ADAMTSL1: variants seen among roughly 807,000 people sequenced by gnomAD.
The protein encoded by ADAMTSL1 is ADAMTS-like protein 1.
ADAMTSL1 carries 126 observed loss-of-function variants against 201.8 expected under a neutral mutation model. That is an observed-to-expected ratio of 0.62 (90% confidence interval 0.54 to 0.72). ADAMTSL1 has a LOEUF of 0.72. Ranked by LOEUF, ADAMTSL1 falls within the 30% of genes least tolerant of loss-of-function variation. The pLI, the probability that ADAMTSL1 is intolerant of heterozygous loss-of-function variation, is 0.00. For synonymous variants in ADAMTSL1, 1,121 were observed against 903.4 expected, an observed-to-expected ratio of 1.24 and a Z score of -4.32; for missense variants, 2,679 against 2,277.8, an observed-to-expected ratio of 1.18 and a Z score of -3.59.
At chr9:18,237,662 T>C (rs778906252) in intron 2 of ADAMTSL1, among the ~76,000 whole-genome samples, 8 of 152,224 alleles carry the variant, frequency 5.3e-5, no homozygotes, top group Non-Finnish European at 8.8e-5. Context: ...AACATTACTA[T>C]TTAGAAAAAC....
At chr9:18,596,454 T>G (rs1824266973) in intron 4 of ADAMTSL1, among the ~76,000 whole-genome samples, 1 of 152,154 alleles carries the variant, frequency 6.6e-6, no homozygotes, top group South Asian at 2.1e-4. Flanking sequence ...ATATCTAATT[T>G]TAATGAAAGC....
chr9:18,381,889 A>G (rs1837575772), intron 2 of ADAMTSL1, among the ~76,000 whole-genome samples: 1 of 152,200 alleles, frequency 6.6e-6, no homozygotes, highest in East Asian at 1.9e-4. Flanking sequence ...AAAAACATCA[A>G]TGTTTGCACC....
intron 1 of ADAMTSL1, among the ~76,000 whole-genome samples, chr9:18,079,877 C>T (rs1823412353): frequency 1.3e-5 from 2 of 151,942 alleles, no homozygotes; most frequent in African/African-American, 4.8e-5. Context: ...ACTTCAGAAT[C>T]CCAGCTGGAC....
intron 1 of ADAMTSL1, among the ~76,000 whole-genome samples, chr9:18,117,980 A>G (rs921593259): frequency 6.6e-6 from 1 of 152,162 alleles, no homozygotes; most frequent in African/African-American, 2.4e-5. Flanking sequence ...TCCTTTTAAT[A>G]CACTAGTTTG....
chr9:18,367,659 A>G lies in ADAMTSL1; in HGVS notation c.208-137170A>G, dbSNP rs139458618. Among the ~76,000 whole-genome samples the G allele has an allele frequency of 9.5e-4, 145 of 152,222 alleles. 1 individual carries two copies. The highest frequency in any genetic ancestry group is 3.0e-3 in the African/African-American group (123 of 41,552). On this transcript the variant is annotated intron_variant, in intron 2 of 29. Coordinates refer to the ADAMTSL1 transcript ENST00000680146. ...ATATTCTAATTCAACCCTCAAAATA[A>G]CTTTATGAGCTACATACTATTATTA...
At chr9:18,877,734 A>G (rs534142026) in intron 23 of ADAMTSL1, among the ~76,000 whole-genome samples, 9 of 152,248 alleles carry the variant, frequency 5.9e-5, no homozygotes, top group African/African-American at 2.2e-4. Context: ...GGCACTTTCA[A>G]GGATCATCAG....
At chr9:18,815,268 GC>G (rs1823763361) in intron 20 of ADAMTSL1, among the ~76,000 whole-genome samples, 1 of 151,964 alleles carries the variant, frequency 6.6e-6, no homozygotes, top group South Asian at 2.1e-4. Context: ...AATATTTACT[GC>G]AGCACTATTC....
intron 23 of ADAMTSL1, among the ~76,000 whole-genome samples, chr9:18,886,166 G>GTATATATATATATA (rs751978972): frequency 2.7e-5 from 1 of 37,136 alleles, no homozygotes; most frequent in Non-Finnish European, 4.9e-5. Context: ...GTGTGTATGT[G>GTATATATATATATA]TATATATATA....
intron 1 of ADAMTSL1, among the ~76,000 whole-genome samples, chr9:18,498,333 AC>A (rs761178180): frequency 0.011 from 1,375 of 123,164 alleles, 32 homozygotes; most frequent in South Asian, 0.09. Flanking sequence ...TGTTCCCCCC[AC>A]CCCCTTTTTT....
chr9:18,082,591 C>T (rs1823552404), intron 1 of ADAMTSL1, among the ~76,000 whole-genome samples: 1 of 152,168 alleles, frequency 6.6e-6, no homozygotes, highest in South Asian at 2.1e-4. Flanking sequence ...CCTTCACTTG[C>T]CTCCTCTTCA....
intron 2 of ADAMTSL1, among the ~76,000 whole-genome samples, chr9:18,195,266 G>C (rs1381692984): frequency 6.6e-6 from 1 of 152,098 alleles, no homozygotes; most frequent in African/African-American, 2.4e-5. Context: ...CTTTCTGTGG[G>C]AACAGACTAT....
chr9:18,716,455 G>A (rs1832939979), intron 14 of ADAMTSL1, among the ~76,000 whole-genome samples: 2 of 152,118 alleles, frequency 1.3e-5, no homozygotes, highest in Admixed American at 1.3e-4. Context: ...CTCAAAAGAA[G>A]ACATTTATGC....
At chr9:18,746,466 A>G (rs1407321415) in intron 15 of ADAMTSL1, among the ~76,000 whole-genome samples, 1 of 152,226 alleles carries the variant, frequency 6.6e-6, no homozygotes, top group South Asian at 2.1e-4. Flanking sequence ...TGTTGGGCAG[A>G]AATGTCACAC....
At chr9:18,833,679 C>T (rs1429666503) in intron 23 of ADAMTSL1, among the ~76,000 whole-genome samples, 1 of 152,140 alleles carries the variant, frequency 6.6e-6, no homozygotes, top group African/African-American at 2.4e-5. Flanking sequence ...TTTTGTTGTG[C>T]AGACGCTCTT....
At chr9:18,633,902 CT>C (rs1242117756) in intron 5 of ADAMTSL1, among the ~76,000 whole-genome samples, 6 of 146,268 alleles carry the variant, frequency 4.1e-5, no homozygotes, top group African/African-American at 1.3e-4. Flanking sequence ...AGTTGAAACA[CT>C]ATTTAAAAAA....
At chr9:18,553,982 A>G (rs1820949834) in intron 3 of ADAMTSL1, among the ~76,000 whole-genome samples, 1 of 151,758 alleles carries the variant, frequency 6.6e-6, no homozygotes, top group Admixed American at 6.6e-5. Context: ...TCTCTATGTA[A>G]TTCACATTTC....
chr9:18,388,500 C>T (rs1225193496), intron 2 of ADAMTSL1, among the ~76,000 whole-genome samples: 1 of 152,116 alleles, frequency 6.6e-6, no homozygotes, highest in East Asian at 1.9e-4. Flanking sequence ...TTTCGAAGTC[C>T]TGACCTCAAG....
intron 1 of ADAMTSL1, among the ~76,000 whole-genome samples, chr9:18,059,660 C>A (rs1460927217): frequency 1.3e-5 from 2 of 152,110 alleles, no homozygotes; most frequent in East Asian, 1.9e-4. Context: ...AAAGCCAGTA[C>A]AAAGTCTACT....
intron 1 of ADAMTSL1, among the ~76,000 whole-genome samples, chr9:18,090,068 T>A (rs1358970512): frequency 1.3e-5 from 2 of 152,204 alleles, no homozygotes; most frequent in African/African-American, 4.8e-5. Flanking sequence ...TAAAAATTAC[T>A]TGTTAACACA....
Sources: gnomAD v4.1 joint callset for allele counts (sites outside exome capture counted in the v4.1 genomes callset) on GRCh38, gnomAD v4.1.1 for gene constraint, MANE v1.5 for transcripts, NCBI Gene and HGNC (gene_info 2026-07-23, HGNC 2026-07-21) for gene names.